Variants in ZMAT4 observed in about 807,000 individuals in gnomAD.
ZMAT4 encodes the protein zinc finger matrin-type 4.
In ZMAT4, 17 loss-of-function variants were observed where a neutral mutation model predicts 28.7. The ratio of observed to expected loss-of-function variants is 0.59; its 90% CI spans 0.41 to 0.89. The LOEUF (loss-of-function observed/expected upper bound fraction) is 0.89, where lower values mean the gene tolerates loss of function less well. Among genes scored for constraint, ZMAT4 ranks in the 40% least tolerant of loss-of-function variants. The pLI is 0.00. For synonymous variants in ZMAT4, 117 were observed against 109.2 expected (o/e 1.07, Z -0.44); for missense variants, 240 against 283.8 (o/e 0.85, Z 1.11).
intron 3 of ZMAT4, among the ~76,000 whole-genome samples, chr8:40,730,964 C>A (rs889206173): frequency 5.3e-5 from 8 of 152,198 alleles, no homozygotes; most frequent in African/African-American, 1.9e-4. Context: ...CATCTCCCAG[C>A]CACAGCCCCA....
At chr8:40,764,765 A>C (rs1813079804) in intron 3 of ZMAT4, among the ~76,000 whole-genome samples, 1 of 152,162 alleles carries the variant, frequency 6.6e-6, no homozygotes, top group Non-Finnish European at 1.5e-5. Context: ...TGCTTTGAAA[A>C]CAAAATGCTA....
intron 1 of ZMAT4, among the ~76,000 whole-genome samples, chr8:40,862,584 TA>T (rs398007582): frequency 0.055 from 6,009 of 109,890 alleles, 153 homozygotes; most frequent in South Asian, 0.11. Context: ...AAAAAAAAAT[TA>T]AAAAAAAAAA....
chr8:40,598,922 T>C (rs1805196181), intron 5 of ZMAT4, among the ~76,000 whole-genome samples: 1 of 152,154 alleles, frequency 6.6e-6, no homozygotes, highest in Non-Finnish European at 1.5e-5. Context: ...TTATTACAAT[T>C]TGGGGTGGTG....
In ZMAT4 at chr8:40,540,307, G is replaced by A. The variant is rs954606698; in HGVS notation, c.675-8069C>T. Among the ~76,000 whole-genome samples, 3 of 152,040 alleles carry A rather than the reference G, an allele frequency of 2.0e-5. 1 individual carries two copies. Among genetic ancestry groups the A allele is most frequent in the South Asian group, 4.1e-4 (2 of 4,822 alleles). On this transcript the variant is annotated intron_variant, in intron 6 of 6. Transcript: ENST00000297737. Reference sequence around the variant, plus strand: ...CCAGCAGGGACTCTGGCTTGTGAAGGGTCCCTCCTTCCCTTTTTTCCCTTT... The same window carrying A: ...CCAGCAGGGACTCTGGCTTGTGAAGAGTCCCTCCTTCCCTTTTTTCCCTTT...
intron 1 of ZMAT4, among the ~76,000 whole-genome samples, chr8:40,857,372 A>G (rs957759436): frequency 6.6e-6 from 1 of 152,152 alleles, no homozygotes; most frequent in Non-Finnish European, 1.5e-5. Context: ...CTCTTAAAAA[A>G]AAAAACAAAA....
At chr8:40,535,236 A>T (rs569334867) in intron 6 of ZMAT4, among the ~76,000 whole-genome samples, 1 of 152,302 alleles carries the variant, frequency 6.6e-6, no homozygotes, top group African/African-American at 2.4e-5. Flanking sequence ...CATCTGTAGG[A>T]ACAGCCATGT....
chr8:40,875,372 G>A (rs1472916221), intron 1 of ZMAT4, among the ~76,000 whole-genome samples: 1 of 152,098 alleles, frequency 6.6e-6, no homozygotes, highest in Non-Finnish European at 1.5e-5. Flanking sequence ...CGCATGTTGA[G>A]GGGGAGACAA....
chr8:40,767,783 C>G (rs1485397920), intron 2 of ZMAT4, 53 bp from the exon 3 acceptor site: 19 of 1,468,450 alleles, frequency 1.3e-5, no homozygotes, highest in Non-Finnish European at 1.8e-5. Flanking sequence ...ATTTCAAACC[C>G]TTTGAAACCT....
In ZMAT4 at chr8:40,618,094, C is replaced by G. The variant is rs955623131; in HGVS notation, c.578-36833G>C. Among the ~76,000 whole-genome samples the G allele has an allele frequency of 3.3e-5, 5 of 152,200 alleles. No homozygotes were observed. The East Asian group carries it at 9.6e-4, about 29-fold the overall frequency. On this transcript the variant is annotated intron_variant, in intron 5 of 6. Transcript: ENST00000297737. ...TCATCATTGCTTTCTGTACATTAAT[C>G]TCTAGGCACCAGATTTCCACCACTG...
intron 2 of ZMAT4, among the ~76,000 whole-genome samples, chr8:40,796,199 G>T (rs73615456): frequency 0.011 from 1,668 of 152,202 alleles, 35 homozygotes; most frequent in African/African-American, 0.038. Context: ...CATCCACAGC[G>T]CCCATGCACC....
intron 6 of ZMAT4, among the ~76,000 whole-genome samples, chr8:40,564,041 C>T (rs1208998940): frequency 6.6e-6 from 1 of 152,158 alleles, no homozygotes; most frequent in African/African-American, 2.4e-5. Flanking sequence ...ATCTAATCTC[C>T]ACCAGCCTTT....
intron 4 of ZMAT4, among the ~76,000 whole-genome samples, chr8:40,677,251 C>A (rs1808950389): frequency 6.6e-6 from 1 of 151,788 alleles, no homozygotes; most frequent in African/African-American, 2.4e-5. Flanking sequence ...GCTTCTCCCT[C>A]TGAATAATTC....
intron 6 of ZMAT4, among the ~76,000 whole-genome samples, chr8:40,561,150 T>A (rs1259166027): frequency 1.3e-5 from 2 of 152,160 alleles, no homozygotes; most frequent in Admixed American, 1.3e-4. Context: ...AGAGATTCAG[T>A]GTCATTTGTT....
intron 2 of ZMAT4, among the ~76,000 whole-genome samples, chr8:40,820,570 T>C (rs1208724226): frequency 6.8e-6 from 1 of 146,930 alleles, no homozygotes; most frequent in South Asian, 2.2e-4. Context: ...GTGAGTGTGT[T>C]TTGGTGTTTA....
intron 5 of ZMAT4, among the ~76,000 whole-genome samples, chr8:40,664,795 T>C (rs867656627): frequency 6.6e-6 from 1 of 152,250 alleles, no homozygotes; most frequent in African/African-American, 2.4e-5. Flanking sequence ...TAAATCTTTT[T>C]TAAAATAATT....
chr8:40,582,014 GA>G (rs1274689464), intron 5 of ZMAT4, among the ~76,000 whole-genome samples: 5 of 152,146 alleles, frequency 3.3e-5, no homozygotes, highest in African/African-American at 1.2e-4. Flanking sequence ...GACCCATAAT[GA>G]AACATATTCC....
chr8:40,694,597 A>G (rs926511009), intron 4 of ZMAT4, among the ~76,000 whole-genome samples: 4 of 151,934 alleles, frequency 2.6e-5, no homozygotes, highest in African/African-American at 7.3e-5. Context: ...CAGGCCTTCA[A>G]CCCTTAACCT....
At chr8:40,581,028 T>C in intron 6 of ZMAT4, 137 bp downstream of exon 6, 2 of 625,944 alleles carry the variant, frequency 3.2e-6, no homozygotes, top group Non-Finnish European at 5.4e-6. Flanking sequence ...TAAGCATAAA[T>C]ATCATGTGAA....
At chr8:40,804,218 A>AGGTTCACTT (rs1259416796) in intron 2 of ZMAT4, among the ~76,000 whole-genome samples, 2 of 152,216 alleles carry the variant, frequency 1.3e-5, no homozygotes. Context: ...GTGAACCCTG[A>AGGTTCACTT]GGTAAACTAT....
Sources: gnomAD v4.1 joint callset for allele counts (sites outside exome capture counted in the v4.1 genomes callset) on GRCh38, gnomAD v4.1.1 for gene constraint, MANE v1.5 for transcripts, NCBI Gene and HGNC (gene_info 2026-07-23, HGNC 2026-07-21) for gene names.